Variants in CNTNAP2 observed in about 807,000 individuals in gnomAD.
CNTNAP2 encodes the protein contactin associated protein 2.
Under a neutral mutation model 155.2 loss-of-function variants are expected in CNTNAP2, and 98 were observed. That is an observed-to-expected ratio of 0.63 (90% CI 0.54 to 0.75). The LOEUF (loss-of-function observed/expected upper bound fraction) is 0.75, where lower values mean the gene tolerates loss of function less well. Ranked by LOEUF, CNTNAP2 falls within the 30% of genes least tolerant of loss-of-function variation. CNTNAP2 has a pLI of 0.00. For missense variants in CNTNAP2, 1,727 were observed against 1,688.1 expected (o/e 1.02, Z -0.40); for synonymous variants, 651 against 631.2 (o/e 1.03, Z -0.47).
At chr7:146,429,367 A>G (rs1796139584) in intron 1 of CNTNAP2, among the ~76,000 whole-genome samples, 1 of 152,030 alleles carries the variant, frequency 6.6e-6, no homozygotes, top group Non-Finnish European at 1.5e-5. Flanking sequence ...CATGAGCATG[A>G]AGTGTTTTTC....
At chr7:148,038,826 AGATGGATG>A (rs58688357) in intron 15 of CNTNAP2, among the ~76,000 whole-genome samples, 4,430 of 147,744 alleles carry the variant, frequency 0.03, 153 homozygotes, top group African/African-American at 0.087. Flanking sequence ...ATGGATGGAT[AGATGGATG>A]GATGGATGGA....
intron 1 of CNTNAP2, among the ~76,000 whole-genome samples, chr7:146,307,594 A>T (rs982433539): frequency 6.6e-6 from 1 of 152,196 alleles, no homozygotes; most frequent in Admixed American, 6.5e-5. Flanking sequence ...ACAAGGCTAC[A>T]GTAACCAAAA....
At chr7:146,198,381 C>T (rs1798807856) in intron 1 of CNTNAP2, among the ~76,000 whole-genome samples, 1 of 152,116 alleles carries the variant, frequency 6.6e-6, no homozygotes, top group African/African-American at 2.4e-5. Context: ...GAACGATTAA[C>T]TCAAAAGTGA....
intron 1 of CNTNAP2, among the ~76,000 whole-genome samples, chr7:146,483,282 A>AAATAT (rs1178407767): frequency 4.5e-4 from 18 of 39,870 alleles, no homozygotes; most frequent in South Asian, 8.4e-4. Flanking sequence ...TCTAAAAAAA[A>AAATAT]ATATATATAT....
chr7:148,208,139 G>T (rs893761937), intron 18 of CNTNAP2, among the ~76,000 whole-genome samples: 3 of 151,748 alleles, frequency 2.0e-5, no homozygotes, highest in Non-Finnish European at 4.4e-5. Context: ...AAACCCAAGT[G>T]CCTGAACCAG....
intron 15 of CNTNAP2, among the ~76,000 whole-genome samples, chr7:148,116,493 G>A (rs1375111413): frequency 6.6e-6 from 1 of 151,806 alleles, no homozygotes; most frequent in Non-Finnish European, 1.5e-5. Context: ...CCGCACCCCA[G>A]TAGACAACTT....
intron 22 of CNTNAP2, among the ~76,000 whole-genome samples, chr7:148,396,208 G>A (rs1001338526): frequency 1.6e-4 from 24 of 151,230 alleles, no homozygotes; most frequent in Admixed American, 1.4e-3. Flanking sequence ...TCATTTTTGC[G>A]TCATGCTCGT....
intron 1 of CNTNAP2, among the ~76,000 whole-genome samples, chr7:146,590,784 T>G (rs10808039): frequency 2.6e-5 from 4 of 152,118 alleles, no homozygotes; most frequent in Admixed American, 6.5e-5. Context: ...ACAAATGGTA[T>G]CACACAGCAT....
At chr7:147,742,096 A>G (rs1019173419) in intron 13 of CNTNAP2, among the ~76,000 whole-genome samples, 1 of 152,112 alleles carries the variant, frequency 6.6e-6, no homozygotes, top group Non-Finnish European at 1.5e-5. Flanking sequence ...AGACTTATTC[A>G]CTATCACAAA....
At chr7:147,228,388 G>A (rs1041237040) in intron 8 of CNTNAP2, among the ~76,000 whole-genome samples, 2 of 152,156 alleles carry the variant, frequency 1.3e-5, no homozygotes, top group African/African-American at 4.8e-5. Context: ...AGGGGGAATT[G>A]CTGGAGAAAT....
chr7:147,492,156 A>G (rs1175381670), intron 11 of CNTNAP2, among the ~76,000 whole-genome samples: 2 of 152,198 alleles, frequency 1.3e-5, no homozygotes, highest in Non-Finnish European at 2.9e-5. Flanking sequence ...ATGGTTCCAG[A>G]TGAAACTGTT....
intron 13 of CNTNAP2, among the ~76,000 whole-genome samples, chr7:147,662,898 A>G (rs151087943): frequency 1.4e-3 from 212 of 152,370 alleles, no homozygotes; most frequent in Non-Finnish European, 2.0e-3. Context: ...TGTATTTCTT[A>G]AAAGTTCTAT....
intron 17 of CNTNAP2, among the ~76,000 whole-genome samples, chr7:148,152,945 C>T (rs1057459993): frequency 4.6e-5 from 6 of 129,428 alleles, no homozygotes; most frequent in East Asian, 2.6e-4. Flanking sequence ...GGCATGAACC[C>T]GGGAGGCGGA....
intron 1 of CNTNAP2, among the ~76,000 whole-genome samples, chr7:146,656,540 G>C (rs1799998313): frequency 6.6e-6 from 1 of 152,114 alleles, no homozygotes; most frequent in Non-Finnish European, 1.5e-5. Flanking sequence ...ATGAGATTTT[G>C]TCTTTCCCCA....
chr7:147,608,923 T>C (rs1257462524), intron 12 of CNTNAP2, among the ~76,000 whole-genome samples: 1 of 152,014 alleles, frequency 6.6e-6, no homozygotes, highest in Admixed American at 6.6e-5. Context: ...CAAAAGGTGC[T>C]CAGTCGGGGA....
intron 21 of CNTNAP2, among the ~76,000 whole-genome samples, chr7:148,312,302 C>A (rs913759357): frequency 1.1e-4 from 16 of 152,104 alleles, no homozygotes; most frequent in African/African-American, 3.6e-4. Context: ...GGGAGATTAG[C>A]CAGACACGAT....
At chr7:146,151,637 T>C (rs868593671) in intron 1 of CNTNAP2, among the ~76,000 whole-genome samples, 7 of 15,306 alleles carry the variant, frequency 4.6e-4, no homozygotes, top group Non-Finnish European at 7.3e-4. Flanking sequence ...GAAAACGTGA[T>C]ATATATATAT....
chr7:146,841,865 A>G (rs1181672059), intron 3 of CNTNAP2, among the ~76,000 whole-genome samples: 1 of 151,144 alleles, frequency 6.6e-6, no homozygotes, highest in African/African-American at 2.4e-5. Context: ...GGAGGATAAA[A>G]TTGTTCAGCT....
At chr7:148,133,132 T>G (rs1804867440) in intron 16 of CNTNAP2, among the ~76,000 whole-genome samples, 1 of 152,038 alleles carries the variant, frequency 6.6e-6, no homozygotes. Flanking sequence ...CTCTACCCAG[T>G]AAAACCCTAG....
Sources: allele counts gnomAD v4.1 joint callset (sites outside exome capture counted in the v4.1 genomes callset), GRCh38; gene constraint gnomAD v4.1.1; transcripts MANE v1.5; gene names NCBI Gene and HGNC (gene_info 2026-07-23, HGNC 2026-07-21).